The following ZNF544 variants were observed in gnomAD, a reference collection of about 807,000 sequenced individuals.
The protein encoded by ZNF544 is zinc finger protein AF020591.
A neutral mutation model predicts 13.5 loss-of-function variants in ZNF544; 10 were observed. That is an observed-to-expected ratio of 0.74 (90% CI 0.46 to 1.25). The LOEUF (loss-of-function observed/expected upper bound fraction) is 1.25, where lower values mean the gene tolerates loss of function less well. Among genes scored for constraint, ZNF544 ranks in the 50% most tolerant of loss-of-function variants. The probability of loss-of-function intolerance (pLI) is 0.00; values close to 1 mark genes in which losing one functional copy is unlikely to be tolerated. For missense variants in ZNF544, 896 were observed against 845.6 expected (o/e 1.06, Z -0.74); for synonymous variants, 323 against 300.5 (o/e 1.07, Z -0.77).
At chr19:58,243,706 A>G (rs60329830) in intron 3 of ZNF544, among the ~76,000 whole-genome samples, 11,542 of 152,160 alleles carry the variant, frequency 0.076, 914 homozygotes, top group African/African-American at 0.19. Context: ...TTCCTTAGTC[A>G]CGAAATGATA....
chr19:58,272,699 A>G (rs999863578), intron 5 of ZNF544, among the ~76,000 whole-genome samples: 22 of 151,998 alleles, frequency 1.4e-4, no homozygotes, highest in African/African-American at 5.1e-4. Flanking sequence ...CCTGGCCAAC[A>G]TGGTGAAACC....
At chr19:58,252,145 T>G (rs575344771) in intron 6 of ZNF544, among the ~76,000 whole-genome samples, 1 of 152,340 alleles carries the variant, frequency 6.6e-6, no homozygotes, top group South Asian at 2.1e-4. Context: ...TCTTCCCCTT[T>G]AACTTTAGCC....
At chr19:58,232,771 A>G (rs1344671445) in intron 3 of ZNF544, among the ~76,000 whole-genome samples, 1 of 94,406 alleles carries the variant, frequency 1.1e-5, no homozygotes, top group African/African-American at 5.7e-5. Flanking sequence ...CTACTAAAAA[A>G]AAAAAAAAAA....
intron 3 of ZNF544, among the ~76,000 whole-genome samples, chr19:58,236,529 GAAAC>G (rs1044515422): frequency 1.6e-3 from 242 of 149,872 alleles, no homozygotes; most frequent in African/African-American, 4.0e-3. Flanking sequence ...AAAGAAAACA[GAAAC>G]AAACAAACAA....
chr19:58,258,613 T>G (rs2048214643), intron 6 of ZNF544: 1 of 150,396 alleles, frequency 6.6e-6, no homozygotes, highest in Non-Finnish European at 1.5e-5. Flanking sequence ...CGTGTGAGAG[T>G]GCTGGGTGTG....
intron 6 of ZNF544, 52 bp from the exon 7 acceptor site, chr19:58,260,787 TCTCCCCCTCCCC>T (rs951504614): frequency 6.9e-7 from 1 of 1,442,376 alleles, no homozygotes; most frequent in Non-Finnish European, 9.2e-7. Context: ...GTCTCCTTCA[TCTCCCCCTCCCC>T]CTCCCCCTCT....
At chr19:58,272,422 T>C (rs1280477512) in intron 5 of ZNF544, among the ~76,000 whole-genome samples, 1 of 152,030 alleles carries the variant, frequency 6.6e-6, no homozygotes, top group African/African-American at 2.4e-5. Flanking sequence ...CCAGGTGTGG[T>C]GGCACGCGCC....
chr19:58,276,402 G>C (rs1022172174), exon 6 of ZNF544: 2 of 1,231,642 alleles, frequency 1.6e-6, no homozygotes, highest in Non-Finnish European at 2.0e-6. Context: ...GCCTGATCCA[G>C]TTCCCACAGC....
intron 3 of ZNF544, among the ~76,000 whole-genome samples, chr19:58,240,782 G>C (rs1022727920): frequency 5.3e-4 from 81 of 151,716 alleles, no homozygotes; most frequent in African/African-American, 2.0e-3. Flanking sequence ...AGAAAGTACA[G>C]GGTGTGGACA....
chr19:58,261,973 G>T lies in ZNF544; in HGVS notation c.1367G>T (p.Arg456Ile), dbSNP rs140439680. Residue 456 changes from arginine to isoleucine, a missense_variant, in exon 7 of 7, where the codon AGA (arginine) becomes ATA (isoleucine). Arg to Ile is a moderately conservative substitution (Grantham distance 97, BLOSUM62 -3). Transcript: ENST00000687789. ...RWNSNLIVHQ[R>I]IHTGEKPYEC... ...AACTCTAACCTCATTGTACATCAGA[G>T]AATTCATACTGGAGAGAAACCGTAT... 8.0e-4 allele frequency: 1,296 copies of T among 1,613,866 alleles called. 3 individuals are homozygous for T. Among genetic ancestry groups the T allele is most frequent in the Middle Eastern group, 1.2e-3 (7 of 6,058 alleles).
At chr19:58,264,409 T>C (rs2049578602), downstream of ZNF544, among the ~76,000 whole-genome samples, 1 of 141,934 alleles carries the variant, frequency 7.0e-6, no homozygotes, top group Non-Finnish European at 1.5e-5. Context: ...AAAAGGACTC[T>C]GGTGAGGCTT....
At chr19:58,254,864 C>CTTTT (rs557178874) in intron 6 of ZNF544, among the ~76,000 whole-genome samples, 7 of 138,990 alleles carry the variant, frequency 5.0e-5, no homozygotes, top group Admixed American at 7.3e-5. Flanking sequence ...TTCTTTCTTT[C>CTTTT]TTTTTTTTTT....
chr19:58,267,342 G>A (rs1037178335), downstream of ZNF544, among the ~76,000 whole-genome samples: 1 of 151,914 alleles, frequency 6.6e-6, no homozygotes, highest in Non-Finnish European at 1.5e-5. Context: ...GATTACAGGT[G>A]TGAGCCACCG....
intron 5 of ZNF544, among the ~76,000 whole-genome samples, chr19:58,269,458 T>G (rs1207004384): frequency 8.6e-5 from 10 of 116,504 alleles, no homozygotes; most frequent in East Asian, 2.5e-4. Flanking sequence ...ACAAAAAAAA[T>G]GTCAGGGTCG....
At chr19:58,237,479 C>CT (rs959949457) in intron 3 of ZNF544, among the ~76,000 whole-genome samples, 2 of 152,192 alleles carry the variant, frequency 1.3e-5, no homozygotes, top group African/African-American at 4.8e-5. Flanking sequence ...TGCTGTGGCT[C>CT]TGATTTCATC....
At chr19:58,273,213 T>C (rs1255741425) in intron 5 of ZNF544, among the ~76,000 whole-genome samples, 1 of 150,580 alleles carries the variant, frequency 6.6e-6, no homozygotes, top group Non-Finnish European at 1.5e-5. Context: ...ACCAAAAAAG[T>C]AGAAAATCAT....
chr19:58,266,463 C>T (rs1474104926), downstream of ZNF544, among the ~76,000 whole-genome samples: 3 of 134,778 alleles, frequency 2.2e-5, no homozygotes, highest in Admixed American at 2.5e-4. Context: ...TGCAGTGAGC[C>T]AAAATCATGC....
chr19:58,231,795 TTAAA>T (rs1333947331), intron 3 of ZNF544: 2 of 152,184 alleles, frequency 1.3e-5, no homozygotes, highest in Non-Finnish European at 2.9e-5. Context: ...TTAAAGAAGC[TTAAA>T]TATTTTGTCA....
intron 6 of ZNF544, among the ~76,000 whole-genome samples, chr19:58,256,734 T>G (rs566540368): frequency 6.6e-6 from 1 of 152,318 alleles, no homozygotes; most frequent in Admixed American, 6.5e-5. Context: ...TTTGAAATGC[T>G]GAGGATCTGT....
Sources: gnomAD v4.1 joint callset for allele counts (sites outside exome capture counted in the v4.1 genomes callset) on GRCh38, gnomAD v4.1.1 for gene constraint, MANE v1.5 for transcripts, NCBI Gene and HGNC (gene_info 2026-07-23, HGNC 2026-07-21) for gene names.